KIF21A: variants seen among roughly 807,000 people sequenced by gnomAD.
KIF21A encodes the protein kinesin-like protein KIF21A.
In KIF21A, 114 loss-of-function variants were observed where a neutral mutation model predicts 202.9. That is an observed-to-expected ratio of 0.56 (90% confidence interval 0.48 to 0.66). KIF21A has a LOEUF of 0.66. Among genes scored for constraint, KIF21A ranks in the 30% least tolerant of loss-of-function variants. The probability of loss-of-function intolerance (pLI) is 0.00; values close to 1 mark genes in which losing one functional copy is unlikely to be tolerated. For missense variants in KIF21A, 1,677 were observed against 1,994.9 expected (o/e 0.84, Z 3.04); for synonymous variants, 667 against 670.8 (o/e 0.99, Z 0.09).
chr12:39,433,227 A>G (rs1452791870), intron 1 of KIF21A, among the ~76,000 whole-genome samples: 1 of 152,194 alleles, frequency 6.6e-6, no homozygotes, highest in Non-Finnish European at 1.5e-5. Flanking sequence ...ATATACTTTC[A>G]GACAAGCTTA....
At chr12:39,373,828 T>C (rs1950110021) in intron 1 of KIF21A, among the ~76,000 whole-genome samples, 1 of 152,218 alleles carries the variant, frequency 6.6e-6, no homozygotes, top group African/African-American at 2.4e-5. Flanking sequence ...TTCTTGCTAA[T>C]GGCAAGGAGG....
chr12:39,313,929 G>A lies in KIF21A; in HGVS notation c.3959+1300C>T, dbSNP rs191714212. 2.0e-3 allele frequency among the ~76,000 whole-genome samples: 307 copies of A among 151,762 alleles called. 1 individual carries two copies. The highest frequency in any genetic ancestry group is 4.0e-3 in the Non-Finnish European group (273 of 67,712). The stretch of plus-strand genomic sequence containing the variant: ...AGGATCTGTAGACTATATTACATAA[G>A]GAACAGATGATGAAACTATTGAGCT... On this transcript the variant is annotated intron_variant, in intron 31 of 37. Transcript: ENST00000361418.
chr12:39,428,780 A>G (rs531320328), intron 1 of KIF21A, among the ~76,000 whole-genome samples: 1 of 152,224 alleles, frequency 6.6e-6, no homozygotes. Context: ...CAACATGGTG[A>G]AACCCTGGCT....
intron 1 of KIF21A, among the ~76,000 whole-genome samples, chr12:39,380,204 G>C (rs1159733482): frequency 6.6e-6 from 1 of 152,220 alleles, no homozygotes; most frequent in Non-Finnish European, 1.5e-5. Context: ...CTGTGCTCAG[G>C]CAATCCGCCT....
intron 6 of KIF21A, among the ~76,000 whole-genome samples, chr12:39,364,043 A>G (rs1949435137): frequency 6.6e-6 from 1 of 152,138 alleles, no homozygotes; most frequent in African/African-American, 2.4e-5. Context: ...ATACAATAAT[A>G]TATGTGTTAG....
chr12:39,440,752 G>T (rs1451601928), intron 1 of KIF21A, among the ~76,000 whole-genome samples: 1 of 152,192 alleles, frequency 6.6e-6, no homozygotes, highest in Non-Finnish European at 1.5e-5. Context: ...TTATCCAGGC[G>T]CAGTGGCTAA....
At chr12:39,347,970 G>A (rs568461608) in intron 11 of KIF21A, among the ~76,000 whole-genome samples, 4 of 151,940 alleles carry the variant, frequency 2.6e-5, no homozygotes, top group African/African-American at 4.8e-5. Context: ...TAATGATAAC[G>A]AGCTACAATG....
At chr12:39,376,455 T>G (rs1041394042) in intron 1 of KIF21A, among the ~76,000 whole-genome samples, 1 of 152,134 alleles carries the variant, frequency 6.6e-6, no homozygotes, top group Non-Finnish European at 1.5e-5. Context: ...CAGAAAGGAA[T>G]AGAACTAAGG....
At chr12:39,372,400 G>A (rs980774926) in intron 1 of KIF21A, among the ~76,000 whole-genome samples, 1 of 152,150 alleles carries the variant, frequency 6.6e-6, no homozygotes, top group African/African-American at 2.4e-5. Context: ...TCCAGGTAAT[G>A]AGGCAAGAGC....
chr12:39,323,128 A>G lies in KIF21A; in HGVS notation c.3457-246T>C, dbSNP rs191117345. ...TGCCAGGCACTGTTCCAAACACATT[A>G]TTATATTAGCACGAGATAGGTAATA... is the stretch of plus-strand genomic sequence containing the variant. On this transcript the variant is annotated intron_variant, in intron 26 of 37. Transcript: ENST00000361418. Among the ~76,000 whole-genome samples, 388 of 152,294 alleles carry G rather than the reference A, an allele frequency of 2.5e-3. 1 individual carries two copies. Among genetic ancestry groups the G allele is most frequent in the South Asian group, 0.012 (57 of 4,828 alleles).
chr12:39,382,046 C>T (rs1245683600), intron 1 of KIF21A, among the ~76,000 whole-genome samples: 3 of 152,144 alleles, frequency 2.0e-5, no homozygotes, highest in Admixed American at 1.3e-4. Context: ...AATTCCACCC[C>T]GCACAGCAAC....
chr12:39,329,090 T>A (rs1426783721), intron 24 of KIF21A, among the ~76,000 whole-genome samples: 2 of 152,222 alleles, frequency 1.3e-5, no homozygotes, highest in Non-Finnish European at 2.9e-5. Context: ...ACTAAATGAT[T>A]TTTAAAGCAA....
At chr12:39,420,385 G>C (rs1049958018) in intron 1 of KIF21A, among the ~76,000 whole-genome samples, 5 of 152,096 alleles carry the variant, frequency 3.3e-5, no homozygotes, top group Non-Finnish European at 5.9e-5. Flanking sequence ...GCTGCCCTCA[G>C]GAGGCTTTAC....
In KIF21A at chr12:39,332,575, T is replaced by A; in HGVS notation, c.2856+16A>T. On this transcript the variant is annotated intron_variant, in intron 20 of 37. Coordinates refer to ENST00000361418, the MANE Select transcript of KIF21A (RefSeq NM_001173464.2). ...GTTAGCTAAGGGGGAGCGTATCTACTCTCTATTTTCCACACCTTGAGGAGT... is the reference window on the plus strand; with the variant it reads ...GTTAGCTAAGGGGGAGCGTATCTACACTCTATTTTCCACACCTTGAGGAGT... The A allele has an allele frequency of 1.2e-6, 2 of 1,600,380 alleles. No homozygotes were observed. Among genetic ancestry groups the A allele is most frequent in the Non-Finnish European group, 1.7e-6 (2 of 1,174,782 alleles).
chr12:39,329,392 AAGAC>A (rs1290295536), intron 24 of KIF21A, among the ~76,000 whole-genome samples: 3 of 152,212 alleles, frequency 2.0e-5, no homozygotes, highest in African/African-American at 7.2e-5. Flanking sequence ...TTCAAGTTAA[AAGAC>A]AGCATATATT....
intron 1 of KIF21A, among the ~76,000 whole-genome samples, chr12:39,437,138 G>A (rs1374345128): frequency 1.3e-5 from 2 of 152,130 alleles, no homozygotes; most frequent in African/African-American, 4.8e-5. Flanking sequence ...ATGAGAATTG[G>A]AAGATTGGGC....
At chr12:39,430,550 G>A (rs1400179681) in intron 1 of KIF21A, among the ~76,000 whole-genome samples, 1 of 149,672 alleles carries the variant, frequency 6.7e-6, no homozygotes, top group Non-Finnish European at 1.5e-5. Flanking sequence ...TGGGGGACAA[G>A]AGCAAGACTT....
intron 37 of KIF21A, among the ~76,000 whole-genome samples, chr12:39,300,967 G>A (rs1942903305): frequency 6.6e-6 from 1 of 152,090 alleles, no homozygotes; most frequent in Admixed American, 6.6e-5. Flanking sequence ...GCTCACTGCT[G>A]TATTCCCAGG....
chr12:39,409,737 T>C (rs1952926106), intron 1 of KIF21A, among the ~76,000 whole-genome samples: 1 of 152,124 alleles, frequency 6.6e-6, no homozygotes, highest in Non-Finnish European at 1.5e-5. Context: ...TGGAGAGATT[T>C]TCGTGCATTA....
Sources: allele counts gnomAD v4.1 joint callset (sites outside exome capture counted in the v4.1 genomes callset), GRCh38; gene constraint gnomAD v4.1.1; transcripts MANE v1.5; gene names NCBI Gene and HGNC (gene_info 2026-07-23, HGNC 2026-07-21).